Variants in GSE1 observed in about 807,000 individuals in gnomAD.
GSE1 encodes the protein Gse1 coiled-coil protein.
In GSE1, 32 loss-of-function variants were observed where a neutral mutation model predicts 112.6. The observed-to-expected ratio is 0.28, with a 90% CI of 0.21 to 0.38. The LOEUF (loss-of-function observed/expected upper bound fraction) is 0.38, where lower values mean the gene tolerates loss of function less well. Ranked by LOEUF, GSE1 falls within the 10% of genes least tolerant of loss-of-function variation. The pLI, the probability that GSE1 is intolerant of heterozygous loss-of-function variation, is 1.00. For synonymous variants in GSE1, 1,115 were observed against 735.6 expected, an observed-to-expected ratio of 1.52 and a Z score of -8.35; for missense variants, 2,348 against 1,699.2, an observed-to-expected ratio of 1.38 and a Z score of -6.71.
chr16:85,170,071 T>G (rs1295149527), exon 1 of GSE1: 2 of 984,562 alleles, frequency 2.0e-6, no homozygotes, highest in Non-Finnish European at 2.4e-6. Flanking sequence ...CGACCCCCTT[T>G]CCGAGCCCGA....
intron 2 of GSE1, among the ~76,000 whole-genome samples, chr16:85,431,121 G>C (rs1266384699): frequency 6.6e-6 from 1 of 152,218 alleles, no homozygotes; most frequent in Non-Finnish European, 1.5e-5. Context: ...CCTGAGCTTG[G>C]CTCAGAATTG....
chr16:85,565,119 C>T (rs546278694), intron 1 of GSE1, among the ~76,000 whole-genome samples: 6 of 152,202 alleles, frequency 3.9e-5, no homozygotes, highest in African/African-American at 4.8e-5. Context: ...TGGCCGGGCA[C>T]GGTGCCTCAC....
chr16:85,570,158 C>G (rs985083976), intron 1 of GSE1, among the ~76,000 whole-genome samples: 1 of 152,190 alleles, frequency 6.6e-6, no homozygotes, highest in Non-Finnish European at 1.5e-5. Context: ...CCTAGGCACA[C>G]AGGCTGGTTC....
intron 2 of GSE1, among the ~76,000 whole-genome samples, chr16:85,470,224 T>C (rs914875780): frequency 6.6e-6 from 1 of 152,120 alleles, no homozygotes; most frequent in Non-Finnish European, 1.5e-5. Context: ...AACAAGGAGG[T>C]GCCTGAATCC....
At chr16:85,480,711 G>A (rs1386014362) in intron 2 of GSE1, among the ~76,000 whole-genome samples, 1 of 152,062 alleles carries the variant, frequency 6.6e-6, no homozygotes, top group African/African-American at 2.4e-5. Flanking sequence ...GGTGGCCAAG[G>A]TCCCTGAGAA....
At chr16:85,634,238 C>G in intron 2 of GSE1, 106 bp downstream of exon 2, 1 of 780,474 alleles carries the variant, frequency 1.3e-6, no homozygotes, top group Non-Finnish European at 1.9e-6. Flanking sequence ...TCGTCTTTCC[C>G]ACGCCGTGTG....
chr16:85,427,615 C>A (rs2049023471), intron 2 of GSE1, among the ~76,000 whole-genome samples: 1 of 152,158 alleles, frequency 6.6e-6, no homozygotes, highest in Non-Finnish European at 1.5e-5. Context: ...GCACTCCAGT[C>A]TGGGCGACAG....
At chr16:85,191,268 C>G (rs556198757) in intron 1 of GSE1, among the ~76,000 whole-genome samples, 1 of 152,092 alleles carries the variant, frequency 6.6e-6, no homozygotes, top group East Asian at 1.9e-4. Context: ...TCAACAACAA[C>G]GACAACAAAA....
At chr16:85,293,806 T>C (rs1219883223) in intron 1 of GSE1, among the ~76,000 whole-genome samples, 1 of 152,178 alleles carries the variant, frequency 6.6e-6, no homozygotes, top group Non-Finnish European at 1.5e-5. Context: ...CATGTGACCT[T>C]CTCTGTGTGT....
intron 1 of GSE1, among the ~76,000 whole-genome samples, chr16:85,260,823 C>T (rs895091433): frequency 3.9e-5 from 6 of 152,242 alleles, no homozygotes; most frequent in African/African-American, 7.2e-5. Context: ...TGCATGACAT[C>T]TGCAGTGATG....
intron 2 of GSE1, among the ~76,000 whole-genome samples, chr16:85,541,569 C>A (rs942679796): frequency 1.3e-5 from 2 of 152,266 alleles, no homozygotes; most frequent in East Asian, 3.8e-4. Flanking sequence ...CCAGCCACTC[C>A]GTGGACAAGG....
chr16:85,613,779 C>T (rs976987001), intron 1 of GSE1, among the ~76,000 whole-genome samples: 12 of 142,498 alleles, frequency 8.4e-5, no homozygotes, highest in South Asian at 4.6e-4. Flanking sequence ...GAAAACTTTG[C>T]GGCGACGCGG....
At chr16:85,630,850 T>C (rs2049482561) in intron 1 of GSE1, among the ~76,000 whole-genome samples, 1 of 152,150 alleles carries the variant, frequency 6.6e-6, no homozygotes, top group Admixed American at 6.5e-5. Context: ...ATCTGTACGC[T>C]AGGCCTCTTG....
intron 2 of GSE1, among the ~76,000 whole-genome samples, chr16:85,518,247 G>T (rs1348793661): frequency 6.6e-6 from 1 of 152,234 alleles, no homozygotes; most frequent in African/African-American, 2.4e-5. Flanking sequence ...AGTTCTCTCT[G>T]GGTGTGAGGG....
intron 1 of GSE1, among the ~76,000 whole-genome samples, chr16:85,185,672 G>A (rs367676915): frequency 1.3e-5 from 2 of 152,242 alleles, no homozygotes; most frequent in African/African-American, 2.4e-5. Flanking sequence ...CAGGAGAAAC[G>A]TCCCCCGTGT....
chr16:85,449,857 C>T (rs1473732190), intron 2 of GSE1, among the ~76,000 whole-genome samples: 1 of 152,198 alleles, frequency 6.6e-6, no homozygotes, highest in Non-Finnish European at 1.5e-5. Flanking sequence ...CAATAATCAT[C>T]ATTTCCCTGG....
intron 1 of GSE1, among the ~76,000 whole-genome samples, chr16:85,261,134 C>T (rs1409396287): frequency 6.6e-6 from 1 of 152,228 alleles, no homozygotes; most frequent in Non-Finnish European, 1.5e-5. Flanking sequence ...GCCAAGGCTG[C>T]CCAGGGTCTG....
At chr16:85,650,837 C>T (rs757405028) in intron 3 of GSE1, among the ~76,000 whole-genome samples, 17 of 151,668 alleles carry the variant, frequency 1.1e-4, no homozygotes, top group Non-Finnish European at 2.1e-4. Flanking sequence ...TCCGAGGCTG[C>T]GGACGTGGGT....
intron 2 of GSE1, among the ~76,000 whole-genome samples, chr16:85,531,495 C>T (rs529882819): frequency 2.0e-5 from 3 of 152,216 alleles, no homozygotes; most frequent in Admixed American, 2.0e-4. Context: ...CGGAGGGCCT[C>T]AGCTTTCCAG....
Sources: gnomAD v4.1 joint callset for allele counts (sites outside exome capture counted in the v4.1 genomes callset) on GRCh38, gnomAD v4.1.1 for gene constraint, MANE v1.5 for transcripts, NCBI Gene and HGNC (gene_info 2026-07-23, HGNC 2026-07-21) for gene names.